The following PRR11 variants were observed in gnomAD, a reference collection of about 807,000 sequenced individuals.
PRR11 encodes proline-rich protein 11.
A neutral mutation model predicts 45.6 loss-of-function variants in PRR11; 30 were observed. The ratio of observed to expected loss-of-function variants is 0.66; its 90% CI spans 0.49 to 0.89. PRR11 has a LOEUF of 0.89. Ranked by LOEUF, PRR11 falls within the 40% of genes least tolerant of loss-of-function variation. PRR11 has a pLI of 0.00. For missense variants in PRR11, 373 were observed against 424.8 expected (o/e 0.88, Z 1.07); for synonymous variants, 128 against 153.5 (o/e 0.83, Z 1.23).
intron 2 of PRR11, chr17:59,179,818 C>T (rs540867824): frequency 5.2e-6 from 7 of 1,352,894 alleles, no homozygotes; most frequent in African/African-American, 4.3e-5. Flanking sequence ...ATTCGTCCGA[C>T]CACTCCCTCT....
At position 59,202,708 on chromosome 17, in the gene PRR11, A is replaced by G. The variant is rs1290282127; in HGVS notation, c.*1077A>G. The G allele has an allele frequency of 6.6e-6, 1 of 152,178 alleles. No homozygotes were observed. The highest frequency in any genetic ancestry group is 2.4e-5 in the African/African-American group (1 of 41,442). The allele number at this position is 152,178 out of a possible 1,614,324, so 9.4% of individuals were successfully genotyped here. ...ACAGCTACATAAAAATTTTATGACA[A>G]CTTCAACATGAACCTTATATTTTCG... On this transcript the variant is annotated 3_prime_UTR_variant, in exon 10 of 10. Transcript: ENST00000262293.
intron 1 of PRR11, among the ~76,000 whole-genome samples, chr17:59,156,635 G>T (rs577274185): frequency 1.7e-4 from 25 of 151,474 alleles, no homozygotes; most frequent in Non-Finnish European, 3.1e-4. Flanking sequence ...CCAGAACAAA[G>T]AACTTTTCTT....
At chr17:59,195,258 C>A (rs2046860137) in intron 6 of PRR11, 73 bp from the exon 7 acceptor site, 6 of 1,155,260 alleles carry the variant, frequency 5.2e-6, no homozygotes, top group South Asian at 1.3e-5. Flanking sequence ...CAGATATTTG[C>A]CGTTTTTGCA....
At chr17:59,170,896 A>G (rs1298837626) in intron 2 of PRR11, among the ~76,000 whole-genome samples, 5 of 152,206 alleles carry the variant, frequency 3.3e-5, no homozygotes, top group Non-Finnish European at 1.5e-5. Context: ...ACGTTTCCCC[A>G]ACAGACGCAC....
chr17:59,178,425 T>TG (rs1303279870), intron 2 of PRR11: 1 of 486,964 alleles, frequency 2.1e-6, no homozygotes, highest in Non-Finnish European at 4.1e-6. Context: ...ACCCTCCCCC[T>TG]GGCAGTGCAC....
intron 1 of PRR11, among the ~76,000 whole-genome samples, chr17:59,166,968 C>A (rs2046683001): frequency 6.6e-6 from 1 of 152,066 alleles, no homozygotes; most frequent in Non-Finnish European, 1.5e-5. Flanking sequence ...TCGAGACGAT[C>A]CTGGCTAACA....
At chr17:59,171,543 G>A (rs1166151978) in intron 2 of PRR11, among the ~76,000 whole-genome samples, 1 of 152,006 alleles carries the variant, frequency 6.6e-6, no homozygotes, top group African/African-American at 2.4e-5. Context: ...AAAATTATAT[G>A]TATATAGCAG....
chr17:59,173,339 C>T (rs938769134), intron 2 of PRR11, among the ~76,000 whole-genome samples: 2 of 152,142 alleles, frequency 1.3e-5, no homozygotes, highest in African/African-American at 4.8e-5. Context: ...GTAGTGGCAA[C>T]CAGTGGGGGC....
intron 1 of PRR11, among the ~76,000 whole-genome samples, chr17:59,165,939 T>G (rs2046677878): frequency 6.6e-6 from 1 of 152,224 alleles, no homozygotes; most frequent in South Asian, 2.1e-4. Context: ...TTTTGGTGTG[T>G]TTTCTAAGCC....
intron 1 of PRR11, among the ~76,000 whole-genome samples, chr17:59,168,494 A>G (rs2046690632): frequency 6.6e-6 from 1 of 152,082 alleles, no homozygotes; most frequent in African/African-American, 2.4e-5. Context: ...ATGCTTTAAA[A>G]TAACTCTTTT....
At chr17:59,200,502 A>T (rs1300991789) in intron 9 of PRR11, among the ~76,000 whole-genome samples, 1 of 151,246 alleles carries the variant, frequency 6.6e-6, no homozygotes, top group African/African-American at 2.4e-5. Flanking sequence ...TTTTATTTTA[A>T]TTTTTTTTGA....
At chr17:59,161,134 T>C (rs916209350) in intron 1 of PRR11, among the ~76,000 whole-genome samples, 2 of 152,070 alleles carry the variant, frequency 1.3e-5, no homozygotes, top group Non-Finnish European at 2.9e-5. Context: ...AGGCCAGGCA[T>C]GGTGGCTCAT....
intron 4 of PRR11, among the ~76,000 whole-genome samples, chr17:59,192,144 T>A (rs1263435266): frequency 6.6e-6 from 1 of 151,976 alleles, no homozygotes; most frequent in Non-Finnish European, 1.5e-5. Context: ...AGTGCCCTTA[T>A]GAGAGAGACA....
At chr17:59,169,349 C>T (rs76774817) in intron 1 of PRR11, among the ~76,000 whole-genome samples, 13,681 of 152,052 alleles carry the variant, frequency 0.09, 871 homozygotes, top group South Asian at 0.23. Flanking sequence ...TCACCCGCCT[C>T]GGCCTCCCAA....
At chr17:59,198,246 G>T (rs567655532) in intron 9 of PRR11, among the ~76,000 whole-genome samples, 1 of 152,110 alleles carries the variant, frequency 6.6e-6, no homozygotes, top group South Asian at 2.1e-4. Context: ...TAAAATACAG[G>T]TAGGATTGGC....
intron 2 of PRR11, chr17:59,181,808 C>T (rs2046788258): frequency 6.5e-7 from 1 of 1,527,620 alleles, no homozygotes; most frequent in South Asian, 1.1e-5. Flanking sequence ...TAGACCCCGA[C>T]CCCGACCCCA....
chr17:59,169,974 C>T lies in PRR11; in HGVS notation c.128+94C>T, dbSNP rs560146815. On this transcript the variant is annotated intron_variant, in intron 2 of 9. Coordinates refer to ENST00000262293, the MANE Select transcript of PRR11 (RefSeq NM_018304.4). ...TAGCAAATAAAAATAGAAGGCAGGC[C>T]GGGTGCAGTCATTCATTCCTGTAAT... 327 of 1,421,978 alleles carry T rather than the reference C, an allele frequency of 2.3e-4. 1 individual carries two copies. Among genetic ancestry groups the T allele is most frequent in the Non-Finnish European group, 3.0e-4 (315 of 1,064,858 alleles). The allele number at this position is 1,421,978 out of a possible 1,614,324, so 88.1% of individuals were successfully genotyped here.
At chr17:59,160,363 T>C (rs2046645186) in intron 1 of PRR11, among the ~76,000 whole-genome samples, 2 of 152,196 alleles carry the variant, frequency 1.3e-5, no homozygotes, top group South Asian at 4.1e-4. Context: ...ATACTTCCTC[T>C]TGTTGTTTGT....
chr17:59,195,006 T>C (rs1171543205), intron 6 of PRR11, 151 bp downstream of exon 6: 5 of 642,462 alleles, frequency 7.8e-6, no homozygotes, highest in Non-Finnish European at 1.4e-5. Flanking sequence ...AGACCTCATC[T>C]CAATTTGTAT....
Sources: allele counts gnomAD v4.1 joint callset (sites outside exome capture counted in the v4.1 genomes callset), GRCh38; gene constraint gnomAD v4.1.1; transcripts MANE v1.5; gene names NCBI Gene and HGNC (gene_info 2026-07-23, HGNC 2026-07-21).